Variants in ART1 observed in about 807,000 individuals in gnomAD.
ART1 encodes the protein ADP-ribosyltransferase 1.
ART1 carries 29 observed loss-of-function variants against 27.0 expected under a neutral mutation model. That is an observed-to-expected ratio of 1.08 (90% CI 0.80 to 1.47). The LOEUF (loss-of-function observed/expected upper bound fraction) is 1.47, where lower values mean the gene tolerates loss of function less well. ART1 is among the 40% of genes most tolerant of loss of function. ART1 has a pLI of 0.00. For synonymous variants in ART1, 201 were observed against 172.2 expected (o/e 1.17, Z -1.31); for missense variants, 480 against 423.0 (o/e 1.13, Z -1.18).
chr11:3,663,342 T>C (rs2077637524), intron 4 of ART1, among the ~76,000 whole-genome samples: 1 of 152,178 alleles, frequency 6.6e-6, no homozygotes, highest in Admixed American at 6.5e-5. Context: ...GATTATGTAA[T>C]TCCAGATACT....
At chr11:3,655,314 G>T (rs188340948) in intron 1 of ART1, among the ~76,000 whole-genome samples, 1 of 122,750 alleles carries the variant, frequency 8.1e-6, no homozygotes, top group Non-Finnish European at 1.9e-5. Flanking sequence ...ACAAGTCAGG[G>T]AGCGGCAAAG....
intron 1 of ART1, among the ~76,000 whole-genome samples, chr11:3,651,181 G>A (rs1473107474): frequency 9.5e-4 from 138 of 145,466 alleles, no homozygotes; most frequent in African/African-American, 3.4e-3. Flanking sequence ...ATTCTGTTCT[G>A]GGTCTCAAAC....
intron 1 of ART1, among the ~76,000 whole-genome samples, chr11:3,656,422 A>C (rs61878552): frequency 6.6e-6 from 1 of 151,606 alleles, no homozygotes; most frequent in African/African-American, 2.4e-5. Flanking sequence ...TCGCTCTGTC[A>C]CCCAGGCTTG....
At chr11:3,651,517 T>C (rs60318706) in intron 1 of ART1, among the ~76,000 whole-genome samples, 7,208 of 119,754 alleles carry the variant, frequency 0.06, 389 homozygotes, top group African/African-American at 0.13. Flanking sequence ...CAGGACCGCA[T>C]CCTATAGCCT....
At chr11:3,648,704 C>T (rs1341189274) in intron 1 of ART1, among the ~76,000 whole-genome samples, 3 of 152,184 alleles carry the variant, frequency 2.0e-5, no homozygotes, top group East Asian at 1.9e-4. Context: ...TATTCACCCA[C>T]GTTTCAGAGG....
intron 1 of ART1, among the ~76,000 whole-genome samples, chr11:3,648,992 T>C (rs61878505): frequency 3.4e-4 from 35 of 102,738 alleles, no homozygotes; most frequent in Middle Eastern, 5.1e-3. Flanking sequence ...CGACCTCTTA[T>C]CTCTGTGCCC....
chr11:3,664,295 G>A lies in ART1; in HGVS notation c.*106G>A, dbSNP rs1253262854. ...AGATTCCTGTCAATCCCATCTGCAG[G>A]GAACTCTGGGACCTTCTCTGGTAGC... On this transcript the variant is annotated 3_prime_UTR_variant, in exon 5 of 5. Transcript: ENST00000250693. The A allele has an allele frequency of 1.8e-6, 2 of 1,091,844 alleles. No individual in the cohort carries two copies. Among genetic ancestry groups the A allele is most frequent in the African/African-American group, 1.5e-5 (1 of 64,554 alleles). The allele number at this position is 1,091,844 out of a possible 1,614,324, so 67.6% of individuals were successfully genotyped here. A position where few individuals can be genotyped will look rare whatever the true frequency, so the allele number is the denominator to read the frequency against.
chr11:3,650,687 G>C (rs1282141613), intron 1 of ART1, among the ~76,000 whole-genome samples: 1 of 151,996 alleles, frequency 6.6e-6, no homozygotes, highest in Non-Finnish European at 1.5e-5. Flanking sequence ...CACCTGCCCA[G>C]TTCCCTTATT....
At chr11:3,657,232 A>G (rs2077582247) in intron 1 of ART1, among the ~76,000 whole-genome samples, 1 of 152,192 alleles carries the variant, frequency 6.6e-6, no homozygotes, top group Non-Finnish European at 1.5e-5. Flanking sequence ...AGCTTTTATC[A>G]GATTCCAAAA....
At chr11:3,645,585 T>A (rs2077465148) in intron 1 of ART1, among the ~76,000 whole-genome samples, 1 of 152,164 alleles carries the variant, frequency 6.6e-6, no homozygotes. Context: ...GCCACCCACC[T>A]GCTCTGCAGT....
chr11:3,654,884 G>A (rs943102303), intron 1 of ART1, among the ~76,000 whole-genome samples: 2 of 152,134 alleles, frequency 1.3e-5, no homozygotes, highest in Non-Finnish European at 2.9e-5. Flanking sequence ...CTCCCCTCAA[G>A]CCTCTGATGT....
chr11:3,651,090 A>G (rs975696699), intron 1 of ART1, among the ~76,000 whole-genome samples: 1 of 152,006 alleles, frequency 6.6e-6, no homozygotes, highest in Non-Finnish European at 1.5e-5. Context: ...CGCCTTATCA[A>G]CCAAATTGTT....
intron 2 of ART1, 63 bp downstream of exon 2, chr11:3,659,339 C>T (rs1314235573): frequency 6.2e-7 from 1 of 1,604,180 alleles, no homozygotes; most frequent in Admixed American, 1.7e-5. Context: ...TCTTCTGAAC[C>T]CTGGAGGGAG....
chr11:3,664,284 C>A lies in ART1; in HGVS notation c.*95C>A. Reference sequence around the variant, plus strand: ...CAGTGTAACCAAGATTCCTGTCAATCCCATCTGCAGGGAACTCTGGGACCT... The same window carrying A: ...CAGTGTAACCAAGATTCCTGTCAATACCATCTGCAGGGAACTCTGGGACCT... On this transcript the variant is annotated 3_prime_UTR_variant, in exon 5 of 5. Coordinates refer to ENST00000250693, the MANE Select transcript of ART1 (RefSeq NM_004314.3). The A allele has an allele frequency of 1.6e-6, 2 of 1,234,248 alleles. No homozygotes were observed. The highest frequency in any genetic ancestry group is 1.5e-5 in the African/African-American group (1 of 67,632). 76.5% of individuals were successfully genotyped at this position (1,234,248 alleles called of 1,614,324 possible).
intron 1 of ART1, among the ~76,000 whole-genome samples, chr11:3,656,751 C>T (rs564104532): frequency 9.4e-4 from 143 of 152,270 alleles, no homozygotes; most frequent in Admixed American, 2.7e-3. Flanking sequence ...CTCAGTCTCC[C>T]AAAGTGCTGG....
chr11:3,659,175 G>A lies in ART1; in HGVS notation c.-39G>A. On this transcript the variant is annotated 5_prime_UTR_variant, in exon 2 of 5. Coordinates refer to ENST00000250693, the MANE Select transcript of ART1 (RefSeq NM_004314.3). Reference sequence around the variant, plus strand: ...GCAATTTTCCAGATGAGGAAACTGAGACCCAAAAAGAGACAGCAACTGGCC... The same window carrying A: ...GCAATTTTCCAGATGAGGAAACTGAAACCCAAAAAGAGACAGCAACTGGCC... 6.2e-7 allele frequency: 1 copy of A among 1,605,298 alleles called. No individual in the cohort carries two copies. Among genetic ancestry groups the A allele is most frequent in the Non-Finnish European group, 8.5e-7 (1 of 1,172,394 alleles).
chr11:3,655,518 G>A (rs922770989), intron 1 of ART1: 1 of 152,224 alleles, frequency 6.6e-6, no homozygotes, highest in African/African-American at 2.4e-5. Context: ...CCAGGGTGAT[G>A]GAGAATGCTT....
At chr11:3,658,817 G>A (rs1238056358) in intron 1 of ART1, among the ~76,000 whole-genome samples, 1 of 152,164 alleles carries the variant, frequency 6.6e-6, no homozygotes, top group Admixed American at 6.5e-5. Context: ...CGCAAGCTCT[G>A]CCAGCCTAGA....
In ART1 at chr11:3,645,538, CCCA is replaced by C. The variant is rs1157972470; in HGVS notation, c.-53+364_-53+366del. 3.3e-5 allele frequency among the ~76,000 whole-genome samples: 5 copies of C among 152,190 alleles called. No individual in the cohort carries two copies. The South Asian group carries it at 1.0e-3, about 31-fold the overall frequency. Reference sequence around the variant, plus strand: ...CCATGCCCACCCCATCCCTCCGGTTCCCACCACATCTCCCCTGACACTGGTCAC... The same window carrying C: ...CCATGCCCACCCCATCCCTCCGGTTCCCACATCTCCCCTGACACTGGTCAC... On this transcript the variant is annotated intron_variant, in intron 1 of 4. Coordinates refer to ENST00000250693, the MANE Select transcript of ART1 (RefSeq NM_004314.3).
Sources: gnomAD v4.1 joint callset for allele counts (sites outside exome capture counted in the v4.1 genomes callset) on GRCh38, gnomAD v4.1.1 for gene constraint, MANE v1.5 for transcripts, NCBI Gene and HGNC (gene_info 2026-07-23, HGNC 2026-07-21) for gene names.